TYR: variants seen among roughly 807,000 people sequenced by gnomAD.
The protein encoded by TYR is tyrosinase, also known as LB24-AB.
TYR carries 58 observed loss-of-function variants against 51.5 expected under a neutral mutation model. That is an observed-to-expected ratio of 1.13 (90% confidence interval 0.91 to 1.40). The LOEUF (loss-of-function observed/expected upper bound fraction) is 1.40, where lower values mean the gene tolerates loss of function less well. TYR is among the 40% of genes most tolerant of loss of function. TYR has a pLI of 0.00. For missense variants in TYR, 732 were observed against 647.4 expected (o/e 1.13, Z -1.42); for synonymous variants, 263 against 235.2 (o/e 1.12, Z -1.08).
At chr11:89,230,792 T>C (rs1330550171) in intron 3 of TYR, among the ~76,000 whole-genome samples, 1 of 151,834 alleles carries the variant, frequency 6.6e-6, no homozygotes. Context: ...TCAACATCAC[T>C]AATCATCAGG....
At chr11:89,203,740 G>A (rs1446668634) in intron 2 of TYR, among the ~76,000 whole-genome samples, 1 of 152,014 alleles carries the variant, frequency 6.6e-6, no homozygotes, top group East Asian at 1.9e-4. Context: ...GAAACACCCA[G>A]AGGTACAAAC....
At chr11:89,261,682 G>T (rs868327806) in intron 3 of TYR, among the ~76,000 whole-genome samples, 1 of 151,928 alleles carries the variant, frequency 6.6e-6, no homozygotes, top group Non-Finnish European at 1.5e-5. Flanking sequence ...AAAAACTTGC[G>T]CAATACTATA....
intron 2 of TYR, among the ~76,000 whole-genome samples, chr11:89,208,163 G>C (rs891647243): frequency 3.3e-5 from 5 of 152,166 alleles, no homozygotes; most frequent in Non-Finnish European, 5.9e-5. Flanking sequence ...CTAGCTACTC[G>C]GGAGGCTGAG....
Position 89,213,674 on chromosome 11 carries a change from C to T in TYR, c.1037-14149C>T, listed in dbSNP as rs550279299. Among the ~76,000 whole-genome samples, 9 of 152,248 alleles carry T rather than the reference C, an allele frequency of 5.9e-5. No individual in the cohort carries two copies. In the South Asian group the frequency reaches 1.7e-3, roughly 28 times the overall value. ...AAAGATCAAAGCTGGAGGCATCATG[C>T]TACCTGACTTCAAGCTATACTACAA... On this transcript the variant is annotated intron_variant, in intron 2 of 4. Coordinates refer to ENST00000263321, the MANE Select transcript of TYR (RefSeq NM_000372.5).
At chr11:89,235,538 G>A (rs1324715811) in intron 3 of TYR, among the ~76,000 whole-genome samples, 1 of 152,068 alleles carries the variant, frequency 6.6e-6, no homozygotes, top group Non-Finnish European at 1.5e-5. Context: ...CAAACCTGGA[G>A]GACATTACAT....
At chr11:89,203,443 T>C (rs1943626265) in intron 2 of TYR, among the ~76,000 whole-genome samples, 1 of 152,170 alleles carries the variant, frequency 6.6e-6, no homozygotes, top group Non-Finnish European at 1.5e-5. Context: ...TGTGAAACAA[T>C]GAAATTTTGG....
At chr11:89,237,556 G>A (rs1360491722) in intron 3 of TYR, among the ~76,000 whole-genome samples, 1 of 152,074 alleles carries the variant, frequency 6.6e-6, no homozygotes, top group Non-Finnish European at 1.5e-5. Flanking sequence ...CAATATGTCT[G>A]TTTCTATGCC....
At chr11:89,246,865 G>T (rs1185631512) in intron 3 of TYR, among the ~76,000 whole-genome samples, 1 of 152,130 alleles carries the variant, frequency 6.6e-6, no homozygotes, top group Non-Finnish European at 1.5e-5. Flanking sequence ...GCTGGTGACT[G>T]CAAGGCTGAA....
chr11:89,202,644 C>CACACACACACACACACACACAT (rs1325924792), intron 2 of TYR, among the ~76,000 whole-genome samples: 10 of 151,980 alleles, frequency 6.6e-5, no homozygotes, highest in African/African-American at 2.4e-4. Context: ...CACACACACA[C>CACACACACACACACACACACAT]ACACACTGTA....
intron 2 of TYR, among the ~76,000 whole-genome samples, chr11:89,214,693 T>C (rs1565400566): frequency 6.6e-6 from 1 of 152,074 alleles, no homozygotes; most frequent in East Asian, 1.9e-4. Context: ...TGGAATACTA[T>C]GCAGCCATAA....
intron 3 of TYR, among the ~76,000 whole-genome samples, chr11:89,280,584 G>A (rs1944709467): frequency 6.6e-6 from 1 of 151,018 alleles, no homozygotes; most frequent in Non-Finnish European, 1.5e-5. Flanking sequence ...TTTATATTAT[G>A]TATAGTTTTT....
intron 1 of TYR, among the ~76,000 whole-genome samples, chr11:89,186,801 G>A (rs12799347): frequency 0.2 from 29,835 of 151,970 alleles, 4,235 homozygotes; most frequent in African/African-American, 0.4. Flanking sequence ...GGAAGTAATT[G>A]AGGTTAAGTG....
chr11:89,274,344 C>T (rs60769079), intron 3 of TYR, among the ~76,000 whole-genome samples: 3,239 of 151,994 alleles, frequency 0.021, 127 homozygotes, highest in African/African-American at 0.075. Context: ...ATAGGCATAC[C>T]AATTTCTTGA....
intron 3 of TYR, among the ~76,000 whole-genome samples, chr11:89,232,827 C>G (rs1318203971): frequency 1.4e-5 from 2 of 143,604 alleles, no homozygotes; most frequent in African/African-American, 5.5e-5. Flanking sequence ...TACTTTACTG[C>G]TAGAAAATGC....
chr11:89,189,221 C>G (rs1421924717), intron 1 of TYR, among the ~76,000 whole-genome samples: 1 of 152,042 alleles, frequency 6.6e-6, no homozygotes, highest in African/African-American at 2.4e-5. Flanking sequence ...CACTTACCCT[C>G]TCTGAGTCTC....
intron 2 of TYR, among the ~76,000 whole-genome samples, chr11:89,217,996 C>A (rs1024394699): frequency 6.6e-6 from 1 of 152,088 alleles, no homozygotes; most frequent in African/African-American, 2.4e-5. Flanking sequence ...GAAGAATCAT[C>A]GACCTCTTCT....
In TYR at chr11:89,178,621, A is replaced by G. The variant is rs144018635; in HGVS notation, c.668A>G (p.Gln223Arg). The stretch of plus-strand genomic sequence containing the variant: ...TTGTTGCGGTGGGAACAAGAAATCC[A>G]GAAGCTGACAGGAGATGAAAACTTC... Reference protein sequence around the residue: ...LFLLRWEQEIQKLTGDENFTI... With the variant: ...LFLLRWEQEIRKLTGDENFTI... The change falls in exon 1 of 5, where the codon CAG becomes CGG. Residue 223 changes from glutamine to arginine, a missense_variant. Transcript: ENST00000263321. 1.2e-6 allele frequency: 2 copies of G among 1,612,528 alleles called. No individual in the cohort carries two copies. Among genetic ancestry groups the G allele is most frequent in the African/African-American group, 1.3e-5 (1 of 74,918 alleles).
chr11:89,207,964 A>C (rs144765349), intron 2 of TYR, among the ~76,000 whole-genome samples: 268 of 152,334 alleles, frequency 1.8e-3, no homozygotes, highest in African/African-American at 5.0e-3. Context: ...TTCTATAATT[A>C]ACTCAAAATA....
chr11:89,265,470 A>G (rs1944514695), intron 3 of TYR, among the ~76,000 whole-genome samples: 1 of 152,080 alleles, frequency 6.6e-6, no homozygotes, highest in African/African-American at 2.4e-5. Flanking sequence ...TTCTCATTTC[A>G]TGAATTTTAC....
Sources: gnomAD v4.1 joint callset for allele counts (sites outside exome capture counted in the v4.1 genomes callset) on GRCh38, gnomAD v4.1.1 for gene constraint, MANE v1.5 for transcripts, NCBI Gene and HGNC (gene_info 2026-07-23, HGNC 2026-07-21) for gene names.